Variants in TRPC6 observed in about 807,000 individuals in gnomAD.
The protein encoded by TRPC6 is transient receptor potential cation channel subfamily C member 6.
TRPC6 carries 55 observed loss-of-function variants against 90.7 expected under a neutral mutation model. The ratio of observed to expected loss-of-function variants is 0.61; its 90% CI spans 0.49 to 0.76. TRPC6 has a LOEUF of 0.76. Ranked by LOEUF, TRPC6 falls within the 30% of genes least tolerant of loss-of-function variation. TRPC6 has a pLI of 0.00. For missense variants in TRPC6, 989 were observed against 1,122.7 expected (o/e 0.88, Z 1.70); for synonymous variants, 393 against 393.0 (o/e 1.00, Z 0.00).
At chr11:101,546,756 A>C (rs1363752730) in intron 1 of TRPC6, among the ~76,000 whole-genome samples, 1 of 152,208 alleles carries the variant, frequency 6.6e-6, no homozygotes, top group Non-Finnish European at 1.5e-5. Context: ...ACTTCTATTC[A>C]TGATTTTTTT....
chr11:101,576,924 C>T (rs748057917), intron 1 of TRPC6, among the ~76,000 whole-genome samples: 3 of 152,094 alleles, frequency 2.0e-5, no homozygotes, highest in Admixed American at 6.5e-5. Context: ...AAATGCTTCA[C>T]GATAATAATA....
intron 10 of TRPC6, among the ~76,000 whole-genome samples, chr11:101,459,362 A>G (rs1407606284): frequency 6.6e-6 from 1 of 152,192 alleles, no homozygotes; most frequent in African/African-American, 2.4e-5. Flanking sequence ...GGAACGGCAC[A>G]TCTCTGTAGC....
At position 101,489,007 on chromosome 11, in the gene TRPC6, A is replaced by AGGAACTTGACCGCCATT; in HGVS notation, c.1206_1222dup (p.Leu408GlnfsTer34). 1 of 1,614,214 alleles carries AGGAACTTGACCGCCATT rather than the reference A, an allele frequency of 6.2e-7. No individual in the cohort carries two copies. The highest frequency in any genetic ancestry group is 8.5e-7 in the Non-Finnish European group (1 of 1,180,020). On this transcript the variant is annotated frameshift_variant, in exon 4 of 13. Transcript: ENST00000344327. LOFTEE classifies it high-confidence loss of function. ...TCCAATGGCAACAGCAAGGACCACA[A>AGGAACTTGACCGCCATT]GGAACTTGACCGCCATTGTCTGCTG...
intron 1 of TRPC6, among the ~76,000 whole-genome samples, chr11:101,548,476 A>ATATCTC (rs1555011220): frequency 0.027 from 2,979 of 112,034 alleles, 95 homozygotes; most frequent in African/African-American, 0.093. Context: ...ATATATATAT[A>ATATCTC]TCTCTCTCTC....
At chr11:101,521,786 G>A (rs1206969321) in intron 1 of TRPC6, among the ~76,000 whole-genome samples, 1 of 152,230 alleles carries the variant, frequency 6.6e-6, no homozygotes, top group Non-Finnish European at 1.5e-5. Context: ...TGTAAGACAT[G>A]GAGTTAAATG....
intron 1 of TRPC6, among the ~76,000 whole-genome samples, chr11:101,539,676 G>C (rs1861128158): frequency 6.6e-6 from 1 of 152,022 alleles, no homozygotes; most frequent in African/African-American, 2.4e-5. Flanking sequence ...AGAATCCTGG[G>C]CCTAATCTAA....
Position 101,452,881 on chromosome 11 carries a change from T to G in TRPC6, c.*74A>C. On this transcript the variant is annotated 3_prime_UTR_variant, in exon 13 of 13. Transcript: ENST00000344327. ...GTTTAAAAGGTGGGCCCATTGGCACTTAAGAAAATAAATCAGAAAATAATA... is the reference window on the plus strand; with the variant it reads ...GTTTAAAAGGTGGGCCCATTGGCACGTAAGAAAATAAATCAGAAAATAATA... The G allele has an allele frequency of 1.9e-6, 3 of 1,583,120 alleles. No individual in the cohort carries two copies. The highest frequency in any genetic ancestry group is 2.6e-6 in the Non-Finnish European group (3 of 1,155,382).
chr11:101,493,702 C>G (rs1859880738), intron 2 of TRPC6, among the ~76,000 whole-genome samples: 1 of 152,176 alleles, frequency 6.6e-6, no homozygotes, highest in Admixed American at 6.5e-5. Context: ...AAACCCAGAA[C>G]TGCAGATTTA....
intron 1 of TRPC6, among the ~76,000 whole-genome samples, chr11:101,548,432 T>C (rs1158828276): frequency 8.5e-6 from 1 of 117,164 alleles, no homozygotes; most frequent in African/African-American, 2.8e-5. Context: ...AATATATAAA[T>C]ATATAATACA....
intron 1 of TRPC6, among the ~76,000 whole-genome samples, chr11:101,510,238 A>G (rs943696315): frequency 6.6e-6 from 1 of 152,176 alleles, no homozygotes; most frequent in Non-Finnish European, 1.5e-5. Flanking sequence ...TTTTTAAGTA[A>G]CAGATATTTG....
intron 1 of TRPC6, among the ~76,000 whole-genome samples, chr11:101,548,476 A>ATC (rs757404318): frequency 0.021 from 2,380 of 112,046 alleles, 36 homozygotes; most frequent in African/African-American, 0.038. Context: ...ATATATATAT[A>ATC]TCTCTCTCTC....
chr11:101,508,521 C>CT (rs2136752333), intron 1 of TRPC6, among the ~76,000 whole-genome samples: 1 of 152,260 alleles, frequency 6.6e-6, no homozygotes, highest in Non-Finnish European at 1.5e-5. Context: ...TCTTAACCCT[C>CT]TTCCCTTCTC....
chr11:101,504,864 G>A (rs2136743687), intron 1 of TRPC6, 66 bp from the exon 2 acceptor site: 4 of 1,571,010 alleles, frequency 2.5e-6, no homozygotes, highest in South Asian at 1.2e-5. Context: ...CAAATGACTT[G>A]CCATTCATCT....
At chr11:101,495,108 G>A (rs993031782) in intron 2 of TRPC6, among the ~76,000 whole-genome samples, 9 of 152,160 alleles carry the variant, frequency 5.9e-5, no homozygotes, top group African/African-American at 2.2e-4. Context: ...CACCTACACT[G>A]TACATTCATT....
At position 101,482,847 on chromosome 11, in the gene TRPC6, A is replaced by G. The variant is rs137994188; in HGVS notation, c.1510+102T>C. 1,472 of 1,212,276 alleles carry G rather than the reference A, an allele frequency of 1.2e-3. 12 individuals are homozygous for G. The African/African-American group carries it at 0.019, about 16-fold the overall frequency. The allele number at this position is 1,212,276 out of a possible 1,614,324, so 75.1% of individuals were successfully genotyped here. On this transcript the variant is annotated intron_variant, in intron 5 of 12. Transcript: ENST00000344327. Reference sequence around the variant, plus strand: ...ATTATGATGTGTGGTGCACTGTATCATGCTGCATACATTTGTATAACTGAT... The same window carrying G: ...ATTATGATGTGTGGTGCACTGTATCGTGCTGCATACATTTGTATAACTGAT...
chr11:101,541,069 A>G (rs896542753), intron 1 of TRPC6, among the ~76,000 whole-genome samples: 3 of 152,214 alleles, frequency 2.0e-5, no homozygotes, highest in Admixed American at 1.3e-4. Flanking sequence ...ACAAAGACAA[A>G]CATATTTTAT....
intron 1 of TRPC6, among the ~76,000 whole-genome samples, chr11:101,563,989 T>C (rs903732738): frequency 6.6e-6 from 1 of 152,128 alleles, no homozygotes; most frequent in Non-Finnish European, 1.5e-5. Flanking sequence ...ACTGCACGCA[T>C]TGCAGGATTT....
At chr11:101,559,962 T>TA (rs758527090) in intron 1 of TRPC6, among the ~76,000 whole-genome samples, 30 of 152,032 alleles carry the variant, frequency 2.0e-4, no homozygotes, top group Non-Finnish European at 3.1e-4. Flanking sequence ...AAGGTTTTCT[T>TA]ACAGTTCATT....
chr11:101,475,903 T>C (rs141765681), intron 6 of TRPC6, among the ~76,000 whole-genome samples: 66 of 150,730 alleles, frequency 4.4e-4, no homozygotes, highest in African/African-American at 1.5e-3. Context: ...TGTGCATATA[T>C]ACACACACGT....
Sources: gnomAD v4.1 joint callset for allele counts (sites outside exome capture counted in the v4.1 genomes callset) on GRCh38, gnomAD v4.1.1 for gene constraint, MANE v1.5 for transcripts, NCBI Gene and HGNC (gene_info 2026-07-23, HGNC 2026-07-21) for gene names.